Variants in PARD3 observed in about 807,000 individuals in gnomAD.
PARD3 encodes the protein par-3 family cell polarity regulator, also known as partitioning defective 3 homolog.
In PARD3, 75 loss-of-function variants were observed where a neutral mutation model predicts 155.4. That is an observed-to-expected ratio of 0.48 (90% confidence interval 0.40 to 0.58). The LOEUF (loss-of-function observed/expected upper bound fraction) is 0.58. Among genes scored for constraint, PARD3 ranks in the 20% least tolerant of loss-of-function variants. The pLI is 0.00. For missense variants in PARD3, 1,642 were observed against 1,721.7 expected (o/e 0.95, Z 0.82); for synonymous variants, 576 against 610.5 (o/e 0.94, Z 0.83).
chr10:34,725,624 T>C (rs565929884), intron 1 of PARD3, among the ~76,000 whole-genome samples: 1 of 152,296 alleles, frequency 6.6e-6, no homozygotes, highest in South Asian at 2.1e-4. Flanking sequence ...CAATATCTAG[T>C]GTCAATCTAT....
At chr10:34,322,958 A>G (rs1958467335) in intron 19 of PARD3, among the ~76,000 whole-genome samples, 1 of 152,234 alleles carries the variant, frequency 6.6e-6, no homozygotes, top group African/African-American at 2.4e-5. Context: ...CACAAGCTAT[A>G]TTCTTAAAAC....
At chr10:34,261,786 A>AAAGG (rs1377036285) in intron 22 of PARD3, among the ~76,000 whole-genome samples, 12 of 38,370 alleles carry the variant, frequency 3.1e-4, no homozygotes, top group African/African-American at 7.2e-4. Flanking sequence ...GAAAGAAAAG[A>AAAGG]AAGAAAGAAA....
At chr10:34,615,919 G>A (rs2091220630) in intron 2 of PARD3, among the ~76,000 whole-genome samples, 1 of 152,128 alleles carries the variant, frequency 6.6e-6, no homozygotes, top group African/African-American at 2.4e-5. Flanking sequence ...TAGAATAGCT[G>A]TTACCAAAAA....
At chr10:34,219,927 G>A (rs1952192836) in intron 22 of PARD3, among the ~76,000 whole-genome samples, 1 of 152,134 alleles carries the variant, frequency 6.6e-6, no homozygotes, top group Non-Finnish European at 1.5e-5. Context: ...GGATGGAATG[G>A]AGCAGCTGCT....
intron 20 of PARD3, among the ~76,000 whole-genome samples, chr10:34,292,065 T>A (rs10508800): frequency 0.095 from 14,494 of 152,112 alleles, 1,628 homozygotes; most frequent in African/African-American, 0.27. Context: ...TGCCAACCTT[T>A]CTAAATGCAG....
intron 5 of PARD3, among the ~76,000 whole-genome samples, chr10:34,439,513 A>G (rs1227560062): frequency 6.6e-6 from 1 of 151,876 alleles, no homozygotes; most frequent in Admixed American, 6.6e-5. Flanking sequence ...GCTGGAGTGC[A>G]GTGGTGCAAT....
In PARD3 at chr10:34,612,543, T is replaced by C. The variant is rs11009832; in HGVS notation, c.222+83775A>G. Among the ~76,000 whole-genome samples, 485 of 152,362 alleles carry C rather than the reference T, an allele frequency of 3.2e-3. 2 individuals are homozygous for C. Among genetic ancestry groups the C allele is most frequent in the African/African-American group, 0.011 (459 of 41,592 alleles). On this transcript the variant is annotated intron_variant, in intron 2 of 24. Transcript: ENST00000374788. ...GTGAGAGGCACAATGTCTGGTGCTC[T>C]ACATGCACAGTCCTAGCTCAGCTCC...
intron 1 of PARD3, among the ~76,000 whole-genome samples, chr10:34,801,343 A>C (rs2134334501): frequency 6.6e-6 from 1 of 152,318 alleles, no homozygotes; most frequent in East Asian, 1.9e-4. Flanking sequence ...CTGCTTAGCG[A>C]CTTCCCTAAA....
At chr10:34,308,855 A>G (rs1957550401) in intron 20 of PARD3, among the ~76,000 whole-genome samples, 1 of 152,192 alleles carries the variant, frequency 6.6e-6, no homozygotes, top group African/African-American at 2.4e-5. Flanking sequence ...CCTGGGGCAC[A>G]AGACCTGGAG....
chr10:34,348,122 A>G lies in PARD3; in HGVS notation c.2068-7T>C, dbSNP rs185757507. On this transcript the variant is annotated splice_region_variant and splice_polypyrimidine_tract_variant and intron_variant, in intron 14 of 24. Coordinates refer to ENST00000374788, the MANE Select transcript of PARD3 (RefSeq NM_001184785.2). ...GGCTCCCAGGTGACTTCAGCTACAG[A>G]GTAACGGGTATGGGGGCAAAGAAAA... is the stretch of plus-strand genomic sequence containing the variant. The G allele has an allele frequency of 3.1e-4, 499 of 1,599,506 alleles. 2 individuals carry two copies. The highest frequency in any genetic ancestry group is 1.3e-3 in the Admixed American group (78 of 58,222).
chr10:34,675,902 G>T, intron 2 of PARD3: 2 of 188,572 alleles, frequency 1.1e-5, no homozygotes, highest in Non-Finnish European at 2.3e-5. Flanking sequence ...ACAAAGATGG[G>T]CTTGGTACTT....
At chr10:34,412,350 A>G (rs1286178637) in intron 5 of PARD3, among the ~76,000 whole-genome samples, 1 of 152,160 alleles carries the variant, frequency 6.6e-6, no homozygotes, top group Admixed American at 6.5e-5. Flanking sequence ...TGCTGATACA[A>G]GAGAATAACA....
At chr10:34,794,178 C>T (rs536071683) in intron 1 of PARD3, among the ~76,000 whole-genome samples, 1 of 152,260 alleles carries the variant, frequency 6.6e-6, no homozygotes, top group East Asian at 1.9e-4. Flanking sequence ...GCAGTGTCAC[C>T]CTCAGTCCTG....
chr10:34,416,586 CCT>C (rs1258330862), intron 5 of PARD3, among the ~76,000 whole-genome samples: 1 of 152,100 alleles, frequency 6.6e-6, no homozygotes, highest in East Asian at 1.9e-4. Context: ...TAGCTCAGTC[CCT>C]GACTCTAGTG....
chr10:34,426,819 C>T (rs1024108652), intron 5 of PARD3: 7 of 152,296 alleles, frequency 4.6e-5, no homozygotes, highest in African/African-American at 7.2e-5. Context: ...GGACCCCAAA[C>T]GGAGGGACCA....
intron 14 of PARD3, among the ~76,000 whole-genome samples, 177 bp downstream of exon 14, chr10:34,358,970 C>T (rs1839176504): frequency 6.6e-6 from 1 of 152,108 alleles, no homozygotes; most frequent in South Asian, 2.1e-4. Flanking sequence ...ATGTTGATCA[C>T]AAGAATTAAG....
chr10:34,485,804 G>A (rs1317534108), intron 3 of PARD3, among the ~76,000 whole-genome samples: 1 of 151,574 alleles, frequency 6.6e-6, no homozygotes, highest in East Asian at 1.9e-4. Flanking sequence ...ATACATCACA[G>A]AAATATATTT....
intron 3 of PARD3, among the ~76,000 whole-genome samples, chr10:34,500,989 AAG>A (rs1371981935): frequency 6.6e-6 from 1 of 152,204 alleles, no homozygotes; most frequent in African/African-American, 2.4e-5. Context: ...AATTGTGCAA[AAG>A]AGTTAAAAAT....
At chr10:34,661,754 A>C (rs1269839377) in intron 2 of PARD3, among the ~76,000 whole-genome samples, 1 of 152,230 alleles carries the variant, frequency 6.6e-6, no homozygotes, top group Non-Finnish European at 1.5e-5. Flanking sequence ...AATTGTTATC[A>C]AATGTTGGGC....
Sources: gnomAD v4.1 joint callset for allele counts (sites outside exome capture counted in the v4.1 genomes callset) on GRCh38, gnomAD v4.1.1 for gene constraint, MANE v1.5 for transcripts, NCBI Gene and HGNC (gene_info 2026-07-23, HGNC 2026-07-21) for gene names.